The following STUM variants were observed in gnomAD, a reference collection of about 807,000 sequenced individuals.
STUM encodes stum, mechanosensory transduction mediator homolog, also known as protein stum homolog.
STUM carries 8 observed loss-of-function variants against 15.3 expected under a neutral mutation model. That is an observed-to-expected ratio of 0.52 (90% CI 0.31 to 0.94). The LOEUF is 0.94. STUM is among the 40% of genes least tolerant of loss of function. The pLI, the probability that STUM is intolerant of heterozygous loss-of-function variation, is 0.05. For synonymous variants in STUM, 78 were observed against 88.7 expected (o/e 0.88, Z 0.68); for missense variants, 142 against 204.9 (o/e 0.69, Z 1.87).
intron 1 of STUM, among the ~76,000 whole-genome samples, chr1:226,580,507 G>C (rs1667902017): frequency 6.6e-6 from 1 of 152,022 alleles, no homozygotes; most frequent in Non-Finnish European, 1.5e-5. Context: ...ATGAGGGGGA[G>C]GGCAGAGGGG....
At chr1:226,554,134 G>A (rs1357111950) in intron 1 of STUM, among the ~76,000 whole-genome samples, 4 of 152,206 alleles carry the variant, frequency 2.6e-5, no homozygotes, top group Non-Finnish European at 2.9e-5. Context: ...GAACAGACAC[G>A]TTAAGAGGTG....
rs111582799 is a variant in STUM at position 226,567,702 on chromosome 1, T to G, written c.202+18596T>G. 0.057 allele frequency among the ~76,000 whole-genome samples: 8,667 copies of G among 152,114 alleles called. 596 individuals are homozygous for G. Among genetic ancestry groups the G allele is most frequent in the African/African-American group, 0.16 (6,731 of 41,442 alleles). ...GGAGAAGAAATGACAAATAAAAGCA[T>G]TTAAAAGTGGAAGCGTGCCAGCGTG... On this transcript the variant is annotated intron_variant, in intron 1 of 3. Coordinates refer to ENST00000366788, the MANE Select transcript of STUM (RefSeq NM_001003665.4). The surrounding 1 kb of genome is among the most constrained non-coding windows in gnomAD (Gnocchi z 4.5).
At chr1:226,586,557 G>C (rs1668001328) in intron 1 of STUM, among the ~76,000 whole-genome samples, 1 of 152,170 alleles carries the variant, frequency 6.6e-6, no homozygotes, top group Non-Finnish European at 1.5e-5. Flanking sequence ...AGGGATCCCT[G>C]TTCTCAGTTG....
intron 1 of STUM, among the ~76,000 whole-genome samples, chr1:226,564,271 C>G (rs530213238): frequency 1.3e-5 from 2 of 152,324 alleles, no homozygotes; most frequent in South Asian, 4.1e-4. Context: ...GACTTAGGAG[C>G]TAGGTTACCC....
chr1:226,550,761 T>C (rs1301650495), intron 1 of STUM, among the ~76,000 whole-genome samples: 1 of 152,166 alleles, frequency 6.6e-6, no homozygotes, highest in Non-Finnish European at 1.5e-5. Flanking sequence ...CGCATGTACC[T>C]GTGTGTACCC....
intron 1 of STUM, among the ~76,000 whole-genome samples, chr1:226,595,659 C>G (rs1191214225): frequency 6.6e-6 from 1 of 152,140 alleles, no homozygotes; most frequent in African/African-American, 2.4e-5. Flanking sequence ...CCAAGTGGGT[C>G]CTGAATGCTA....
At chr1:226,573,298 G>C (rs368029674) in intron 1 of STUM, among the ~76,000 whole-genome samples, 1 of 152,332 alleles carries the variant, frequency 6.6e-6, no homozygotes, top group Non-Finnish European at 1.5e-5. Context: ...GTTGCCATAA[G>C]TGAGTTAATG....
rs629645 is a variant in STUM, at chr1:226,565,248, G to A, written c.202+16142G>A. 0.21 allele frequency among the ~76,000 whole-genome samples: 31,971 copies of A among 152,114 alleles called. 4,837 individuals are homozygous for A. Among genetic ancestry groups the A allele is most frequent in the African/African-American group, 0.43 (17,950 of 41,472 alleles). ...CTGCCCCTCAGGCCCAAGGGTGGGA[G>A]TGGCCTCCTGCTGTTGCTGGGTACC... On this transcript the variant is annotated intron_variant, in intron 1 of 3. Transcript: ENST00000366788. The surrounding 1 kb of genome is among the most constrained non-coding windows in gnomAD (Gnocchi z 4.4).
rs372434995 is a variant in STUM, at chr1:226,578,628, G to A, written c.203-18174G>A. ...TCCTCCCACCTTGGCCTCCCAAAGT[G>A]CTGGGATTACAGGCATGAGCCACTG... On this transcript the variant is annotated intron_variant, in intron 1 of 3. Coordinates refer to ENST00000366788, the MANE Select transcript of STUM (RefSeq NM_001003665.4). Among the ~76,000 whole-genome samples the A allele has an allele frequency of 9.9e-5, 15 of 152,240 alleles. No individual in the cohort carries two copies. The East Asian group carries it at 2.7e-3, about 27-fold the overall frequency.
At chr1:226,578,187 G>A (rs746180884) in intron 1 of STUM, among the ~76,000 whole-genome samples, 3 of 151,788 alleles carry the variant, frequency 2.0e-5, no homozygotes, top group Non-Finnish European at 4.4e-5. Flanking sequence ...ATGTCTTTAC[G>A]CGTCATCATG....
At chr1:226,595,127 C>T (rs563610327) in intron 1 of STUM, among the ~76,000 whole-genome samples, 2 of 152,340 alleles carry the variant, frequency 1.3e-5, no homozygotes, top group Admixed American at 6.5e-5. Flanking sequence ...GACAGTGCAG[C>T]CCCCAGTTAG....
In STUM at chr1:226,606,877, A is replaced by T. The variant is rs1668369702; in HGVS notation, c.*4837A>T. 6.6e-6 allele frequency: 1 copy of T among 152,276 alleles called. No homozygotes were observed. The highest frequency in any genetic ancestry group is 2.1e-4 in the South Asian group (1 of 4,822). The allele number at this position is 152,276 out of a possible 1,614,324, so 9.4% of individuals were successfully genotyped here. ...GGGGGACACCTCCCTGCTTTGCATT[A>T]ACTCATCAGCAAGCTCATCGAGAGC... On this transcript the variant is annotated 3_prime_UTR_variant, in exon 4 of 4. Coordinates refer to ENST00000366788, the MANE Select transcript of STUM (RefSeq NM_001003665.4).
In STUM at chr1:226,604,441, C is replaced by T. The variant is rs1431070336; in HGVS notation, c.*2401C>T. The T allele has an allele frequency of 2.6e-5, 4 of 152,374 alleles. No individual in the cohort carries two copies. In the East Asian group the frequency reaches 7.7e-4, roughly 29 times the overall value. 9.4% of individuals were successfully genotyped at this position (152,374 alleles called of 1,614,324 possible). ...CAGGAGGAGGCCCCTTTCCGGGTAA[C>T]TGATGTGTGGGAGAAGCCAAGAGGC... On this transcript the variant is annotated 3_prime_UTR_variant, in exon 4 of 4. Transcript: ENST00000366788. This position sits in a 1 kb window ranked among gnomAD's most constrained non-coding sequence, Gnocchi z 4.7.
At chr1:226,575,387 A>C (rs1394407493) in intron 1 of STUM, among the ~76,000 whole-genome samples, 1 of 152,270 alleles carries the variant, frequency 6.6e-6, no homozygotes, top group Admixed American at 6.5e-5. Context: ...AGGTTCCCAG[A>C]AAGACAGATT....
At chr1:226,550,233 G>A (rs2102682830) in intron 1 of STUM, among the ~76,000 whole-genome samples, 1 of 152,312 alleles carries the variant, frequency 6.6e-6, no homozygotes, top group East Asian at 1.9e-4. Flanking sequence ...CTGCTTAGCA[G>A]GGGCCTCTGC....
At chr1:226,570,758 C>CTT (rs1265056818) in intron 1 of STUM, among the ~76,000 whole-genome samples, 2 of 152,198 alleles carry the variant, frequency 1.3e-5, no homozygotes, top group Non-Finnish European at 2.9e-5. Context: ...ATATTAGAGA[C>CTT]CTAAATCCAG....
At chr1:226,560,685 G>A (rs1357997788) in intron 1 of STUM, among the ~76,000 whole-genome samples, 1 of 152,190 alleles carries the variant, frequency 6.6e-6, no homozygotes, top group Non-Finnish European at 1.5e-5. Flanking sequence ...AGGCCAAGCT[G>A]CAGAAGGGAG....
chr1:226,608,427 T>C lies in STUM; in HGVS notation c.*6387T>C, dbSNP rs1014169329. The C allele has an allele frequency of 1.3e-5, 2 of 152,146 alleles. No individual in the cohort carries two copies. Among genetic ancestry groups the C allele is most frequent in the African/African-American group, 4.8e-5 (2 of 41,426 alleles). The allele number at this position is 152,146 out of a possible 1,614,324, so 9.4% of individuals were successfully genotyped here. A position where few individuals can be genotyped will look rare whatever the true frequency, so the allele number is the denominator to read the frequency against. On this transcript the variant is annotated 3_prime_UTR_variant, in exon 4 of 4. Coordinates refer to ENST00000366788, the MANE Select transcript of STUM (RefSeq NM_001003665.4). This position sits in a 1 kb window ranked among gnomAD's most constrained non-coding sequence, Gnocchi z 4.0. ...TCATTGGCTGAGTTCCCTGCTGTTG[T>C]GCGTGGTGCCATTTTTTTTTTAAAC...
Position 226,548,874 on chromosome 1 carries a change from G to A in STUM, c.-31G>A, listed in dbSNP as rs1197669365. 5.2e-5 allele frequency: 69 copies of A among 1,328,872 alleles called. No individual in the cohort carries two copies. The highest frequency in any genetic ancestry group is 6.0e-5 in the Non-Finnish European group (63 of 1,048,924). The allele number at this position is 1,328,872 out of a possible 1,614,324, so 82.3% of individuals were successfully genotyped here. A position where few individuals can be genotyped will look rare whatever the true frequency, so the allele number is the denominator to read the frequency against. Reference sequence around the variant, plus strand: ...TACGCTGGGCGCCAGCTCCGGCCGTGCTGCCCGGCTGCCTGAGAGCGCGCC... The same window carrying A: ...TACGCTGGGCGCCAGCTCCGGCCGTACTGCCCGGCTGCCTGAGAGCGCGCC... On this transcript the variant is annotated 5_prime_UTR_variant, in exon 1 of 4. Transcript: ENST00000366788.
Sources: allele counts gnomAD v4.1 joint callset (sites outside exome capture counted in the v4.1 genomes callset), GRCh38; gene constraint gnomAD v4.1.1; non-coding constraint Gnocchi (gnomAD v3.1); transcripts MANE v1.5; gene names NCBI Gene and HGNC (gene_info 2026-07-23, HGNC 2026-07-21).